The following PLXDC2 variants were observed in gnomAD, a reference collection of about 807,000 sequenced individuals.
PLXDC2 encodes plexin domain-containing protein 2.
PLXDC2 carries 40 observed loss-of-function variants against 68.9 expected under a neutral mutation model. That is an observed-to-expected ratio of 0.58 (90% confidence interval 0.45 to 0.76). The LOEUF (loss-of-function observed/expected upper bound fraction) is 0.76. Ranked by LOEUF, PLXDC2 falls within the 30% of genes least tolerant of loss-of-function variation. The pLI is 0.00. For missense variants in PLXDC2, 644 were observed against 661.9 expected (o/e 0.97, Z 0.30); for synonymous variants, 243 against 234.2 (o/e 1.04, Z -0.34).
At chr10:19,911,612 G>A (rs183815600) in intron 1 of PLXDC2, among the ~76,000 whole-genome samples, 18 of 152,124 alleles carry the variant, frequency 1.2e-4, no homozygotes, top group African/African-American at 3.6e-4. Flanking sequence ...AAGTCATCTC[G>A]TTTCACCTTA....
At chr10:20,018,154 GT>G (rs1646710526) in intron 2 of PLXDC2, among the ~76,000 whole-genome samples, 1 of 151,952 alleles carries the variant, frequency 6.6e-6, no homozygotes, top group Admixed American at 6.6e-5. Flanking sequence ...CATCTCTCCA[GT>G]GGGCCCCCAG....
At chr10:19,880,631 G>T (rs1837710302) in intron 1 of PLXDC2, among the ~76,000 whole-genome samples, 1 of 152,164 alleles carries the variant, frequency 6.6e-6, no homozygotes, top group Admixed American at 6.5e-5. Context: ...TGTTGCTGAA[G>T]TGATATTTTG....
intron 1 of PLXDC2, 85 bp downstream of exon 1, chr10:19,817,276 C>T (rs1345484402): frequency 9.2e-7 from 1 of 1,092,678 alleles, no homozygotes; most frequent in Non-Finnish European, 1.4e-6. Flanking sequence ...CCTCTCCCCC[C>T]AACATCACCT....
intron 1 of PLXDC2, among the ~76,000 whole-genome samples, chr10:19,936,871 A>G (rs923337581): frequency 6.6e-6 from 1 of 152,222 alleles, no homozygotes; most frequent in Non-Finnish European, 1.5e-5. Flanking sequence ...GAGATACTTC[A>G]TATATGAACT....
At chr10:20,116,896 G>T (rs561357096) in intron 4 of PLXDC2, among the ~76,000 whole-genome samples, 1 of 151,844 alleles carries the variant, frequency 6.6e-6, no homozygotes, top group South Asian at 2.1e-4. Flanking sequence ...TATCATTTAG[G>T]TATCTATTTT....
intron 6 of PLXDC2, among the ~76,000 whole-genome samples, chr10:20,158,688 A>AATAC (rs1834251029): frequency 6.6e-6 from 1 of 151,462 alleles, no homozygotes; most frequent in Admixed American, 6.6e-5. Flanking sequence ...TAAATAAATA[A>AATAC]ATAAATAAAT....
At chr10:20,200,195 C>T (rs1356935016) in intron 9 of PLXDC2, among the ~76,000 whole-genome samples, 1 of 151,766 alleles carries the variant, frequency 6.6e-6, no homozygotes, top group East Asian at 1.9e-4. Flanking sequence ...GTATATTTGA[C>T]AGGGATTTAA....
At chr10:19,854,078 C>T (rs941888061) in intron 1 of PLXDC2, among the ~76,000 whole-genome samples, 1 of 152,074 alleles carries the variant, frequency 6.6e-6, no homozygotes, top group African/African-American at 2.4e-5. Context: ...CTGCATTTAC[C>T]GTAGTGACAG....
chr10:20,129,419 T>C (rs1056624374), intron 4 of PLXDC2, among the ~76,000 whole-genome samples: 3 of 151,968 alleles, frequency 2.0e-5, no homozygotes, highest in African/African-American at 7.2e-5. Context: ...ATTCTGTAGG[T>C]TTTCTCTTGA....
chr10:20,030,371 C>G (rs922059597), intron 2 of PLXDC2, among the ~76,000 whole-genome samples: 8 of 152,186 alleles, frequency 5.3e-5, no homozygotes, highest in African/African-American at 1.9e-4. Flanking sequence ...TGTGAAGTGA[C>G]ATTGTGTACC....
At chr10:20,088,948 C>A (rs117828417) in intron 4 of PLXDC2, among the ~76,000 whole-genome samples, 697 of 152,182 alleles carry the variant, frequency 4.6e-3, no homozygotes, top group Non-Finnish European at 7.7e-3. Flanking sequence ...TGGAGCACAT[C>A]GCTTTTGGAA....
At chr10:20,192,885 A>G (rs1834786027) in intron 9 of PLXDC2, among the ~76,000 whole-genome samples, 1 of 152,108 alleles carries the variant, frequency 6.6e-6, no homozygotes, top group South Asian at 2.1e-4. Context: ...TCTGAAATTG[A>G]ACACAGAATC....
chr10:19,871,098 TCTAGATCCTCTTGGAAGCTGGAAC>T (rs1837526550), intron 1 of PLXDC2, among the ~76,000 whole-genome samples: 1 of 152,184 alleles, frequency 6.6e-6, no homozygotes, highest in South Asian at 2.1e-4. Context: ...AGAAGGCAGG[TCTAGATCCTCTTGGAAGCTGGAAC>T]ATTATAGTAT....
intron 1 of PLXDC2, among the ~76,000 whole-genome samples, chr10:19,886,501 A>G (rs1157760112): frequency 6.6e-6 from 1 of 152,230 alleles, no homozygotes; most frequent in African/African-American, 2.4e-5. Context: ...AATCCAGCAT[A>G]TAAACAGAAC....
intron 13 of PLXDC2, among the ~76,000 whole-genome samples, chr10:20,254,271 A>G (rs1454767170): frequency 6.6e-6 from 1 of 152,202 alleles, no homozygotes; most frequent in Non-Finnish European, 1.5e-5. Flanking sequence ...TACCACCAGG[A>G]AACAAGCCAG....
intron 13 of PLXDC2, among the ~76,000 whole-genome samples, chr10:20,273,133 C>T (rs1262099583): frequency 1.3e-5 from 2 of 152,208 alleles, no homozygotes; most frequent in African/African-American, 2.4e-5. Context: ...TCAATTCTGC[C>T]ATTGCAAGTA....
chr10:20,238,685 A>ATATATATACACACATATATATGTG, intron 12 of PLXDC2, among the ~76,000 whole-genome samples: 1 of 103,692 alleles, frequency 9.6e-6, no homozygotes, highest in East Asian at 2.9e-4. Flanking sequence ...ATGTATATAT[A>ATATATATACACACATATATATGTG]TATATATACA....
At chr10:19,918,242 A>C in intron 1 of PLXDC2, among the ~76,000 whole-genome samples, 1 of 152,160 alleles carries the variant, frequency 6.6e-6, no homozygotes, top group Non-Finnish European at 1.5e-5. Flanking sequence ...TCTGTGGTTT[A>C]AGATGTGTAG....
chr10:20,120,754 G>A (rs1213759046), intron 4 of PLXDC2, among the ~76,000 whole-genome samples: 1 of 152,180 alleles, frequency 6.6e-6, no homozygotes, highest in South Asian at 2.1e-4. Context: ...AATCCCTGAG[G>A]AGTAGTAGAA....
Sources: gnomAD v4.1 joint callset for allele counts (sites outside exome capture counted in the v4.1 genomes callset) on GRCh38, gnomAD v4.1.1 for gene constraint, MANE v1.5 for transcripts, NCBI Gene and HGNC (gene_info 2026-07-23, HGNC 2026-07-21) for gene names.